Variants in LRP5 observed in about 807,000 individuals in gnomAD.
LRP5 encodes the protein LDL receptor related protein 5.
In LRP5, 62 loss-of-function variants were observed where a neutral mutation model predicts 154.1. The ratio of observed to expected loss-of-function variants is 0.40; its 90% CI spans 0.33 to 0.50. LRP5 has a LOEUF of 0.50. LRP5 is among the 20% of genes least tolerant of loss of function. LRP5 has a pLI of 0.55. For missense variants in LRP5, 1,915 were observed against 2,336.7 expected, an observed-to-expected ratio of 0.82 and a Z score of 3.72; for synonymous variants, 966 against 1,011.5, an observed-to-expected ratio of 0.96 and a Z score of 0.85.
chr11:68,399,219 A>G (rs1047421152), intron 7 of LRP5, among the ~76,000 whole-genome samples: 5 of 151,926 alleles, frequency 3.3e-5, no homozygotes, highest in African/African-American at 1.2e-4. Flanking sequence ...TATATATTTA[A>G]AAAGTATTGG....
At chr11:68,436,790 C>T (rs2098675228) in intron 18 of LRP5, 99 bp from the exon 19 acceptor site, 1 of 832,818 alleles carries the variant, frequency 1.2e-6, no homozygotes, top group Non-Finnish European at 2.1e-6. Flanking sequence ...TCCCATCTGT[C>T]TGCTCTCTGT....
rs1326112644 is a variant in LRP5 at position 68,423,987 on chromosome 11, C to T, written c.3236+290C>T. Reference sequence around the variant, plus strand: ...TTGTATCATCCTTGTTAAACTTGAACCCTGTGCAGAAATCCCTTCCACGGC... The same window carrying T: ...TTGTATCATCCTTGTTAAACTTGAATCCTGTGCAGAAATCCCTTCCACGGC... On this transcript the variant is annotated intron_variant, in intron 14 of 22. Coordinates refer to ENST00000294304, the MANE Select transcript of LRP5 (RefSeq NM_002335.4). The surrounding 1 kb of genome is among the most constrained non-coding windows in gnomAD (Gnocchi z 4.7). 6.6e-6 allele frequency among the ~76,000 whole-genome samples: 1 copy of T among 152,226 alleles called. No homozygotes were observed. Among genetic ancestry groups the T allele is most frequent in the Non-Finnish European group, 1.5e-5 (1 of 68,042 alleles).
intron 1 of LRP5, among the ~76,000 whole-genome samples, chr11:68,323,933 C>A (rs1278137015): frequency 2.0e-5 from 3 of 152,206 alleles, no homozygotes; most frequent in Admixed American, 2.0e-4. Flanking sequence ...CCCGCAGCCG[C>A]CTGCTCCCTT....
At chr11:68,372,441 CA>C (rs2098634668) in intron 5 of LRP5, among the ~76,000 whole-genome samples, 1 of 147,230 alleles carries the variant, frequency 6.8e-6, no homozygotes, top group African/African-American at 2.5e-5. Context: ...CGAGGAGGTG[CA>C]GCGTCAGGCG....
rs2098683125 is a variant in LRP5, at chr11:68,449,236, A to G, written c.*166A>G. 1.1e-5 allele frequency: 5 copies of G among 473,408 alleles called. No homozygotes were observed. The South Asian group carries it at 2.5e-4, about 23-fold the overall frequency. The allele number at this position is 473,408 out of a possible 1,614,324, so 29.3% of individuals were successfully genotyped here. ...GGGCAGGGCTGGGAGAACTTTGTAC[A>G]GTGGAGAAATATTTATAAACTTAAT... On this transcript the variant is annotated 3_prime_UTR_variant, in exon 23 of 23. Coordinates refer to ENST00000294304, the MANE Select transcript of LRP5 (RefSeq NM_002335.4).
chr11:68,390,700 C>T (rs1190693183), intron 7 of LRP5, among the ~76,000 whole-genome samples: 4 of 99,500 alleles, frequency 4.0e-5, no homozygotes, highest in Admixed American at 1.0e-4. Context: ...CAGCCTCGCC[C>T]TGCCGCTGTG....
chr11:68,376,171 CTT>C lies in LRP5; in HGVS notation c.1016-10122_1016-10121del, dbSNP rs60401481. On this transcript the variant is annotated intron_variant, in intron 5 of 22. Coordinates refer to ENST00000294304, the MANE Select transcript of LRP5 (RefSeq NM_002335.4). Reference sequence around the variant, plus strand: ...GGGTCGTCCGTGGCTGGCCCTGCTTCTTTTTTTTTTTTTTTTTTTTTTTTAAT... The same window carrying C: ...GGGTCGTCCGTGGCTGGCCCTGCTTCTTTTTTTTTTTTTTTTTTTTTTAAT... 9.0e-3 allele frequency among the ~76,000 whole-genome samples: 835 copies of C among 92,824 alleles called. 9 individuals are homozygous for C. The highest frequency in any genetic ancestry group is 0.024 in the African/African-American group (593 of 24,578). 60.9% of individuals were successfully genotyped at this position (92,824 alleles called of 152,430 possible). A position where few individuals can be genotyped will look rare whatever the true frequency, so the allele number is the denominator to read the frequency against.
At chr11:68,395,794 C>T (rs76138786) in intron 7 of LRP5, among the ~76,000 whole-genome samples, 119 of 152,192 alleles carry the variant, frequency 7.8e-4, no homozygotes, top group Middle Eastern at 6.8e-3. Context: ...CGGATGTGCC[C>T]GTGGAGATGC....
At chr11:68,379,493 T>C (rs1263437914) in intron 5 of LRP5, among the ~76,000 whole-genome samples, 1 of 152,164 alleles carries the variant, frequency 6.6e-6, no homozygotes. Flanking sequence ...CCCACTTAAG[T>C]GTCAGACAGG....
intron 17 of LRP5, among the ~76,000 whole-genome samples, chr11:68,430,190 T>C (rs1315469227): frequency 6.6e-6 from 1 of 152,226 alleles, no homozygotes; most frequent in East Asian, 1.9e-4. Flanking sequence ...TGTTTTGTTT[T>C]TGAGACAGTG....
intron 1 of LRP5, among the ~76,000 whole-genome samples, chr11:68,337,752 G>A (rs2098606509): frequency 6.6e-6 from 1 of 150,456 alleles, no homozygotes; most frequent in Non-Finnish European, 1.5e-5. Flanking sequence ...TCCACCCACA[G>A]CCAGATCTTC....
At position 68,365,686 on chromosome 11, in the gene LRP5, C is replaced by T. The variant is rs758236607; in HGVS notation, c.999C>T (p.Gly333=). The T allele has an allele frequency of 7.4e-7, 1 of 1,348,038 alleles. No homozygotes were observed. The highest frequency in any genetic ancestry group is 2.1e-5 in the Admixed American group (1 of 46,798). The allele number at this position is 1,348,038 out of a possible 1,614,324, so 83.5% of individuals were successfully genotyped here. A position where few individuals can be genotyped will look rare whatever the true frequency, so the allele number is the denominator to read the frequency against. ...CGGGTGTGCAGCTGCAGGACAACGG[C>T]AGGACGTGTAAGGCAGGTGAGGCGG... ...CPTGVQLQDN[G]RTCKAGAEEV... is the part of the protein sequence containing the mutation. Residue 333 remains glycine, a synonymous_variant, in exon 5 of 23, where the codon GGC becomes GGT. Coordinates refer to ENST00000294304, the MANE Select transcript of LRP5 (RefSeq NM_002335.4).
chr11:68,419,228 A>G (rs2098664181), intron 13 of LRP5, among the ~76,000 whole-genome samples: 1 of 151,960 alleles, frequency 6.6e-6, no homozygotes, highest in Non-Finnish European at 1.5e-5. Flanking sequence ...TGCCATTTTA[A>G]TTGTTTTGTT....
intron 1 of LRP5, among the ~76,000 whole-genome samples, chr11:68,335,772 G>A (rs1314995258): frequency 6.6e-6 from 1 of 152,218 alleles, no homozygotes; most frequent in Non-Finnish European, 1.5e-5. Context: ...GCACAGTGAT[G>A]TGGAAAGCAT....
intron 3 of LRP5, among the ~76,000 whole-genome samples, chr11:68,363,219 G>T (rs1372938777): frequency 6.6e-6 from 1 of 152,218 alleles, no homozygotes; most frequent in Non-Finnish European, 1.5e-5. Flanking sequence ...TTTCTTCCCT[G>T]GGGGAGACTT....
At chr11:68,390,998 G>A (rs1055711895) in intron 7 of LRP5, among the ~76,000 whole-genome samples, 4 of 152,164 alleles carry the variant, frequency 2.6e-5, no homozygotes, top group East Asian at 1.9e-4. Context: ...TTTTGTTGTC[G>A]TTGTTGTTGC....
chr11:68,311,674 G>A (rs1178920553), upstream of LRP5, among the ~76,000 whole-genome samples: 1 of 152,222 alleles, frequency 6.6e-6, no homozygotes, highest in Non-Finnish European at 1.5e-5. Flanking sequence ...ACACGTTCAC[G>A]GGCACTCAGT....
In LRP5 at chr11:68,357,939, T is replaced by C. The variant is rs112116934; in HGVS notation, c.686+92T>C. 2.6e-4 allele frequency: 312 copies of C among 1,213,556 alleles called. 5 individuals are homozygous for C. In the African/African-American group the frequency reaches 3.7e-3, roughly 14 times the overall value. 75.2% of individuals were successfully genotyped at this position (1,213,556 alleles called of 1,614,324 possible). On this transcript the variant is annotated intron_variant, in intron 3 of 22. Transcript: ENST00000294304. ...TTCTTAACTCAGGCCTACAGACTCT[T>C]CTCTGAAACTCTGGGGCCCTGAGGA...
At chr11:68,339,850 A>G (rs1324756481) in intron 1 of LRP5, among the ~76,000 whole-genome samples, 1 of 152,088 alleles carries the variant, frequency 6.6e-6, no homozygotes, top group Admixed American at 6.5e-5. Flanking sequence ...TTTTGGGTAT[A>G]TATGTAGGAG....
Sources: gnomAD v4.1 joint callset for allele counts (sites outside exome capture counted in the v4.1 genomes callset) on GRCh38, gnomAD v4.1.1 for gene constraint, Gnocchi (gnomAD v3.1) non-coding constraint, MANE v1.5 for transcripts, NCBI Gene and HGNC (gene_info 2026-07-23, HGNC 2026-07-21) for gene names.